NPY2R: variants seen among roughly 807,000 people sequenced by gnomAD.
The protein encoded by NPY2R is neuropeptide Y receptor type 2.
In NPY2R, 17 loss-of-function variants were observed where a neutral mutation model predicts 22.3. The observed-to-expected ratio is 0.76, with a 90% confidence interval of 0.52 to 1.14. The LOEUF (loss-of-function observed/expected upper bound fraction) is 1.14, where lower values mean the gene tolerates loss of function less well. Among genes scored for constraint, NPY2R ranks in the 50% most tolerant of loss-of-function variants. The pLI is 0.00. For missense variants in NPY2R, 424 were observed against 467.9 expected (o/e 0.91, Z 0.87); for synonymous variants, 209 against 183.4 (o/e 1.14, Z -1.13).
upstream of NPY2R, chr4:155,206,438 C>T (rs1729285783): frequency 6.6e-6 from 1 of 152,206 alleles, no homozygotes; most frequent in African/African-American, 2.4e-5. Context: ...ATGAATTAGA[C>T]TGTGATGCAC....
the NPY2R span, among the ~76,000 whole-genome samples, chr4:155,182,625 A>G: frequency 6.6e-6 from 1 of 152,188 alleles, no homozygotes; most frequent in South Asian, 2.1e-4. Context: ...TGGGTTTTAA[A>G]CCAAACTCCT....
upstream of NPY2R, chr4:155,206,447 A>T (rs1248204418): frequency 6.6e-6 from 1 of 152,238 alleles, no homozygotes; most frequent in African/African-American, 2.4e-5. Flanking sequence ...ACTGTGATGC[A>T]CAAAAGTGTC....
At chr4:155,178,534 C>T in the NPY2R span, among the ~76,000 whole-genome samples, 6,963 of 152,152 alleles carry the variant, frequency 0.046, 508 homozygotes, top group African/African-American at 0.16. Flanking sequence ...CTGTTTAAGT[C>T]TTCTATAACA....
At chr4:155,194,293 T>G in the NPY2R span, among the ~76,000 whole-genome samples, 1 of 150,122 alleles carries the variant, frequency 6.7e-6, no homozygotes, top group African/African-American at 2.4e-5. Context: ...CAGATTTGTT[T>G]CATGGGTAAA....
chr4:155,191,194 T>G, the NPY2R span, among the ~76,000 whole-genome samples: 70,793 of 151,596 alleles, frequency 0.47, 17,229 homozygotes, highest in East Asian at 0.69. Flanking sequence ...TCTCCCAAAT[T>G]TTGAAAGAAA....
chr4:155,213,812 C>A, intron 1 of NPY2R, 80 bp from the exon 2 acceptor site: 1 of 791,742 alleles, frequency 1.3e-6, no homozygotes, highest in South Asian at 1.5e-5. Flanking sequence ...TGTGAAATTT[C>A]TTTGCTTCAC....
upstream of NPY2R, among the ~76,000 whole-genome samples, chr4:155,206,364 G>A (rs1729284642): frequency 6.6e-6 from 1 of 152,184 alleles, no homozygotes; most frequent in Non-Finnish European, 1.5e-5. Context: ...CTGGGTTTAT[G>A]GACATTCATC....
upstream of NPY2R, among the ~76,000 whole-genome samples, chr4:155,205,730 T>G (rs2111028234): frequency 6.6e-6 from 1 of 152,272 alleles, no homozygotes; most frequent in African/African-American, 2.4e-5. Context: ...GTTTTAAATA[T>G]CTAAGGAGAT....
Position 155,214,551 on chromosome 4 carries a change from T to G in NPY2R, c.612T>G (p.Thr204=), listed in dbSNP as rs1337335296. 6.2e-7 allele frequency: 1 copy of G among 1,614,100 alleles called. No individual in the cohort carries two copies. Among genetic ancestry groups the G allele is most frequent in the Non-Finnish European group, 8.5e-7 (1 of 1,180,040 alleles). ...CGGACTTTGAGATTGTGGCCTGTAC[T>G]GAAAAGTGGCCTGGCGAGGAGAAGA... ...IIPDFEIVAC[T]EKWPGEEKSI... is the part of the protein sequence containing the mutation. The change falls in exon 2 of 2, where the codon ACT becomes ACG. Residue 204 remains threonine (T), a synonymous_variant. Transcript: ENST00000329476.
chr4:155,188,408 T>C, the NPY2R span, among the ~76,000 whole-genome samples: 1 of 152,144 alleles, frequency 6.6e-6, no homozygotes, highest in African/African-American at 2.4e-5. Flanking sequence ...CAGAATCACA[T>C]GAGGTGCATT....
the NPY2R span, among the ~76,000 whole-genome samples, chr4:155,201,986 T>G: frequency 6.6e-6 from 1 of 152,166 alleles, no homozygotes; most frequent in East Asian, 1.9e-4. Flanking sequence ...TCCCTTTAAT[T>G]TATCAATTAA....
upstream of NPY2R, among the ~76,000 whole-genome samples, chr4:155,204,289 T>G (rs1215241948): frequency 6.6e-6 from 1 of 152,232 alleles, no homozygotes; most frequent in African/African-American, 2.4e-5. Context: ...TCTTGTGCTT[T>G]TTTTTCCTCC....
rs1175602781 is a variant in NPY2R at position 155,209,031 on chromosome 4, T to C, written c.-87T>C. The stretch of plus-strand genomic sequence containing the variant: ...ATCGGACAGACGGACTGCACACATC[T>C]TGTTTCCGCGTCTCCGCAAAAACGC... On this transcript the variant is annotated 5_prime_UTR_variant, in exon 1 of 2. Coordinates refer to ENST00000329476, the MANE Select transcript of NPY2R (RefSeq NM_000910.4). 1.3e-5 allele frequency: 2 copies of C among 152,234 alleles called. No homozygotes were observed. Among genetic ancestry groups the C allele is most frequent in the East Asian group, 3.9e-4 (2 of 5,150 alleles). The allele number at this position is 152,234 out of a possible 1,614,324, so 9.4% of individuals were successfully genotyped here.
chr4:155,185,513 C>T, the NPY2R span, among the ~76,000 whole-genome samples: 2 of 152,148 alleles, frequency 1.3e-5, no homozygotes, highest in East Asian at 3.9e-4. Context: ...AACATTTCTC[C>T]CCATAAAGTT....
intron 1 of NPY2R, among the ~76,000 whole-genome samples, chr4:155,211,790 G>T (rs1729409928): frequency 6.6e-6 from 1 of 152,194 alleles, no homozygotes; most frequent in East Asian, 1.9e-4. Context: ...TGGATATGAG[G>T]AAGAGGTAGT....
At chr4:155,203,107 A>G in the NPY2R span, among the ~76,000 whole-genome samples, 11 of 152,262 alleles carry the variant, frequency 7.2e-5, no homozygotes, top group Non-Finnish European at 7.4e-5. Flanking sequence ...CATGCTGCAT[A>G]TGTTGCTTAT....
chr4:155,183,807 A>T, the NPY2R span, among the ~76,000 whole-genome samples: 1 of 152,170 alleles, frequency 6.6e-6, no homozygotes, highest in Non-Finnish European at 1.5e-5. Context: ...AAATGACAAT[A>T]GTGGTAGGGA....
At chr4:155,188,414 G>A in the NPY2R span, among the ~76,000 whole-genome samples, 1 of 152,062 alleles carries the variant, frequency 6.6e-6, no homozygotes, top group South Asian at 2.1e-4. Flanking sequence ...CACATGAGGT[G>A]CATTGTCTGT....
At chr4:155,192,560 A>G in the NPY2R span, among the ~76,000 whole-genome samples, 1 of 151,998 alleles carries the variant, frequency 6.6e-6, no homozygotes, top group Non-Finnish European at 1.5e-5. Flanking sequence ...TTCTATAGAC[A>G]TTCCTTGCTC....
Sources: allele counts gnomAD v4.1 joint callset (sites outside exome capture counted in the v4.1 genomes callset), GRCh38; gene constraint gnomAD v4.1.1; transcripts MANE v1.5; gene names NCBI Gene and HGNC (gene_info 2026-07-23, HGNC 2026-07-21).